SOX6: variants seen among roughly 807,000 people sequenced by gnomAD.
The protein encoded by SOX6 is SRY-box transcription factor 6, also known as transcription factor SOX-6.
Under a neutral mutation model 97.8 loss-of-function variants are expected in SOX6, and 11 were observed. That is an observed-to-expected ratio of 0.11 (90% confidence interval 0.07 to 0.19). The LOEUF is 0.19. Among genes scored for constraint, SOX6 ranks in the 10% least tolerant of loss-of-function variants. The pLI, the probability that SOX6 is intolerant of heterozygous loss-of-function variation, is 1.00. For synonymous variants in SOX6, 360 were observed against 371.4 expected, an observed-to-expected ratio of 0.97 and a Z score of 0.35; for missense variants, 810 against 1,039.5, an observed-to-expected ratio of 0.78 and a Z score of 3.04.
chr11:15,982,701 C>T (rs1853699869), intron 15 of SOX6, among the ~76,000 whole-genome samples: 1 of 152,004 alleles, frequency 6.6e-6, no homozygotes. Flanking sequence ...ATGTTCCATA[C>T]AGATGCAACC....
chr11:15,994,715 G>T (rs536448914), intron 13 of SOX6, among the ~76,000 whole-genome samples: 2 of 152,262 alleles, frequency 1.3e-5, no homozygotes, highest in South Asian at 4.1e-4. Context: ...CTTACATTTT[G>T]TCAGATAGAA....
intron 3 of SOX6, chr11:16,315,524 C>G (rs895848261): frequency 6.6e-6 from 1 of 152,088 alleles, no homozygotes; most frequent in African/African-American, 2.4e-5. Flanking sequence ...GAAAAAAGAT[C>G]AAACTTCTGT....
intron 4 of SOX6, among the ~76,000 whole-genome samples, chr11:16,534,288 T>TA (rs1861276926): frequency 6.6e-6 from 1 of 152,174 alleles, no homozygotes; most frequent in Non-Finnish European, 1.5e-5. Context: ...TTGAAAACTT[T>TA]AAAAACCAAG....
At chr11:16,568,391 T>C (rs1226109824) in intron 4 of SOX6, among the ~76,000 whole-genome samples, 2 of 152,060 alleles carry the variant, frequency 1.3e-5, no homozygotes, top group South Asian at 2.1e-4. Context: ...ACATGAAGAA[T>C]AGAATAAATC....
Position 16,011,748 on chromosome 11 carries a change from A to G in SOX6, c.1732+3194T>C, listed in dbSNP as rs552586072. Among the ~76,000 whole-genome samples the G allele has an allele frequency of 2.0e-5, 3 of 152,150 alleles. No homozygotes were observed. The East Asian group carries it at 5.8e-4, about 30-fold the overall frequency. ...AGAAGCCCCATAGGAGGATGGGTAG[A>G]CATGGGGGGAGGGCATAGCCCCTTA... On this transcript the variant is annotated intron_variant, in intron 13 of 15. Coordinates refer to ENST00000683767, the MANE Select transcript of SOX6 (RefSeq NM_001367873.1).
At chr11:16,137,663 G>T (rs190478861) in intron 6 of SOX6, among the ~76,000 whole-genome samples, 3 of 152,240 alleles carry the variant, frequency 2.0e-5, no homozygotes, top group African/African-American at 7.2e-5. Flanking sequence ...AAAAGATATG[G>T]AAATTATCTG....
chr11:16,690,783 G>A (rs1848007393), intron 3 of SOX6, among the ~76,000 whole-genome samples: 1 of 152,196 alleles, frequency 6.6e-6, no homozygotes, highest in East Asian at 1.9e-4. Flanking sequence ...ATAATAATTT[G>A]TGGGCTGTGA....
At chr11:16,636,595 A>G (rs1848793792) in intron 3 of SOX6, among the ~76,000 whole-genome samples, 1 of 152,180 alleles carries the variant, frequency 6.6e-6, no homozygotes, top group Non-Finnish European at 1.5e-5. Flanking sequence ...ATGTGAGGAC[A>G]TGAGATATGG....
At chr11:16,568,207 TA>T (rs1038272421) in intron 4 of SOX6, among the ~76,000 whole-genome samples, 5 of 151,438 alleles carry the variant, frequency 3.3e-5, no homozygotes, top group East Asian at 1.9e-4. Context: ...TATTCCAAAA[TA>T]AAAAAAAATC....
chr11:15,988,699 T>C (rs534463821), intron 14 of SOX6, among the ~76,000 whole-genome samples: 1 of 152,326 alleles, frequency 6.6e-6, no homozygotes, highest in Admixed American at 6.5e-5. Context: ...TCTCAAGAGT[T>C]GCTAAATTCA....
At chr11:16,633,012 G>A (rs1177451248) in intron 3 of SOX6, among the ~76,000 whole-genome samples, 6 of 152,022 alleles carry the variant, frequency 3.9e-5, no homozygotes, top group African/African-American at 1.5e-4. Context: ...AAATTCCTGG[G>A]GATCTGCCTG....
intron 2 of SOX6, 132 bp downstream of exon 2, chr11:16,340,880 T>G: frequency 1.6e-6 from 2 of 1,259,008 alleles, no homozygotes; most frequent in Non-Finnish European, 2.2e-6. Context: ...CTTAGTAATA[T>G]GTACCTGGTA....
At chr11:16,584,399 A>G (rs919736196) in intron 4 of SOX6, among the ~76,000 whole-genome samples, 1 of 152,082 alleles carries the variant, frequency 6.6e-6, no homozygotes, top group Non-Finnish European at 1.5e-5. Context: ...AACCACTACC[A>G]TCTCCTCCAG....
intron 4 of SOX6, among the ~76,000 whole-genome samples, chr11:16,587,263 T>C (rs917729685): frequency 2.6e-5 from 4 of 152,242 alleles, no homozygotes; most frequent in African/African-American, 9.6e-5. Flanking sequence ...TGCCATTTAA[T>C]GGCTATGTAA....
At position 16,132,413 on chromosome 11, in the gene SOX6, G is replaced by GAAAA. The variant is rs1363826793; in HGVS notation, c.778-20491_778-20490insTTTT. On this transcript the variant is annotated intron_variant, in intron 6 of 15. Coordinates refer to ENST00000683767, the MANE Select transcript of SOX6 (RefSeq NM_001367873.1). ...AAGAAAGAAAGAAAAAAGAAAGAAAGAAAGAAAGAAAGAAAGAAAGAAAGA... is the reference window on the plus strand; with the variant it reads ...AAGAAAGAAAGAAAAAAGAAAGAAAGAAAAAAAGAAAGAAAGAAAGAAAGAAAGA... 4.4e-5 allele frequency among the ~76,000 whole-genome samples: 4 copies of GAAAA among 90,544 alleles called. 1 individual carries two copies. The highest frequency in any genetic ancestry group is 1.6e-4 in the African/African-American group (3 of 19,138). 59.4% of individuals were successfully genotyped at this position (90,544 alleles called of 152,430 possible).
chr11:16,298,031 A>G (rs528833637), intron 3 of SOX6, among the ~76,000 whole-genome samples: 1 of 152,328 alleles, frequency 6.6e-6, no homozygotes, highest in East Asian at 1.9e-4. Context: ...ACATAAAAGC[A>G]TGATTACTGC....
At chr11:16,402,131 A>G (rs1858575424) in intron 1 of SOX6, among the ~76,000 whole-genome samples, 1 of 150,988 alleles carries the variant, frequency 6.6e-6, no homozygotes, top group South Asian at 2.1e-4. Flanking sequence ...CAAAAACAAA[A>G]CAAAAAAAAC....
At chr11:16,343,954 A>G (rs1856709885) in intron 1 of SOX6, among the ~76,000 whole-genome samples, 1 of 151,974 alleles carries the variant, frequency 6.6e-6, no homozygotes. Flanking sequence ...CTCAGTTCAC[A>G]CTATCGTTAG....
At chr11:16,461,540 A>G (rs562834890) in intron 1 of SOX6, among the ~76,000 whole-genome samples, 1 of 152,100 alleles carries the variant, frequency 6.6e-6, no homozygotes. Context: ...CCTATCCCAT[A>G]CTATGTGCTT....
Sources: allele counts gnomAD v4.1 joint callset (sites outside exome capture counted in the v4.1 genomes callset), GRCh38; gene constraint gnomAD v4.1.1; transcripts MANE v1.5; gene names NCBI Gene and HGNC (gene_info 2026-07-23, HGNC 2026-07-21).